Variants in LEUTX observed in about 807,000 individuals in gnomAD.
LEUTX encodes paired-like homeodomain transcription factor LEUTX.
LEUTX carries 5 observed loss-of-function variants against 4.5 expected under a neutral mutation model. The ratio of observed to expected loss-of-function variants is 1.11; its 90% CI spans 0.58 to 2.34. The LOEUF is 2.34. LEUTX is among the 30% of genes most tolerant of loss of function. The pLI is 0.01. For missense variants in LEUTX, 233 were observed against 239.4 expected (o/e 0.97, Z 0.18); for synonymous variants, 89 against 85.1 (o/e 1.05, Z -0.25).
In LEUTX at chr19:39,784,583, G is replaced by A. The variant is rs1461269777; in HGVS notation, c.64G>A (p.Ala22Thr). ...RTRFLSKQLT[A>T]LRELLEKTMH... ...AAGATTTCTCTCCAAACAACTCACAGCATTGAGAGAATTGCTTGAAAAGAC... is the reference window on the plus strand; with the variant it reads ...AAGATTTCTCTCCAAACAACTCACAACATTGAGAGAATTGCTTGAAAAGAC... Residue 22 changes from alanine (A) to threonine (T), a missense_variant, in exon 2 of 3, where the codon GCA becomes ACA. Coordinates refer to ENST00000638280, the MANE Select transcript of LEUTX (RefSeq NM_001382345.1). 7.3e-6 allele frequency: 11 copies of A among 1,516,438 alleles called. No individual in the cohort carries two copies. Among genetic ancestry groups the A allele is most frequent in the Non-Finnish European group, 9.0e-6 (10 of 1,115,152 alleles). 93.9% of individuals were successfully genotyped at this position (1,516,438 alleles called of 1,614,324 possible). A position where few individuals can be genotyped will look rare whatever the true frequency, so the allele number is the denominator to read the frequency against.
chr19:39,778,987 TGA>T (rs1967842822), intron 1 of LEUTX, 60 bp downstream of exon 1: 1 of 152,316 alleles, frequency 6.6e-6, no homozygotes, highest in South Asian at 2.1e-4. Context: ...ACAAATCAAG[TGA>T]GAGGTGTGGG....
chr19:39,778,420 A>AC (rs111537235), upstream of LEUTX, among the ~76,000 whole-genome samples: 2,682 of 151,494 alleles, frequency 0.018, 81 homozygotes, highest in African/African-American at 0.059. Flanking sequence ...GAAGGGCTTA[A>AC]CTCCCATCAT....
Position 39,786,269 on chromosome 19 carries a change from T to G in LEUTX, c.*134T>G. 3 of 667,348 alleles carry G rather than the reference T, an allele frequency of 4.5e-6. No homozygotes were observed. The highest frequency in any genetic ancestry group is 7.1e-6 in the Non-Finnish European group (3 of 422,492). 41.3% of individuals were successfully genotyped at this position (667,348 alleles called of 1,614,324 possible). On this transcript the variant is annotated 3_prime_UTR_variant, in exon 3 of 3. Coordinates refer to ENST00000638280, the MANE Select transcript of LEUTX (RefSeq NM_001382345.1). The stretch of plus-strand genomic sequence containing the variant: ...TTATCTTTTTCTGTAGAAAAAACAA[T>G]AAAGGAACTCCCCTACCTTTCATCA...
At chr19:39,779,225 T>G (rs980276781) in intron 1 of LEUTX, among the ~76,000 whole-genome samples, 1 of 152,154 alleles carries the variant, frequency 6.6e-6, no homozygotes, top group African/African-American at 2.4e-5. Context: ...TAGCTGGGAC[T>G]TATAAGTGTG....
At chr19:39,785,559 C>G in intron 2 of LEUTX, 139 bp from the exon 3 acceptor site, 1 of 661,114 alleles carries the variant, frequency 1.5e-6, no homozygotes, top group Non-Finnish European at 2.6e-6. Flanking sequence ...CCCAGGACAG[C>G]AGAGAGTAGA....
At chr19:39,780,711 A>G (rs1568514508) in intron 1 of LEUTX, among the ~76,000 whole-genome samples, 1 of 151,994 alleles carries the variant, frequency 6.6e-6, no homozygotes, top group Non-Finnish European at 1.5e-5. Flanking sequence ...ATTATTGCCT[A>G]AGGGTTTCTT....
intron 1 of LEUTX, among the ~76,000 whole-genome samples, chr19:39,781,433 T>C (rs1305357732): frequency 6.6e-6 from 1 of 152,206 alleles, no homozygotes; most frequent in Non-Finnish European, 1.5e-5. Flanking sequence ...CTAATACAGT[T>C]TGCATATTTG....
upstream of LEUTX, among the ~76,000 whole-genome samples, chr19:39,778,698 T>C (rs1347972639): frequency 2.0e-5 from 3 of 151,386 alleles, no homozygotes; most frequent in East Asian, 5.8e-4. Flanking sequence ...CATAGTTTTA[T>C]TCCCAGTGCC....
At chr19:39,784,716 C>T in intron 2 of LEUTX, 38 bp downstream of exon 2, 1 of 1,423,822 alleles carries the variant, frequency 7.0e-7, no homozygotes, top group Non-Finnish European at 9.7e-7. Context: ...GCACGCCTAA[C>T]CCAGAGCTTC....
chr19:39,781,253 G>C (rs762232696), intron 1 of LEUTX, among the ~76,000 whole-genome samples: 2 of 152,140 alleles, frequency 1.3e-5, no homozygotes, highest in Non-Finnish European at 2.9e-5. Flanking sequence ...TTCACTGTGC[G>C]ATAATTGGGC....
chr19:39,778,431 C>A (rs1378908964), upstream of LEUTX, among the ~76,000 whole-genome samples: 1 of 152,068 alleles, frequency 6.6e-6, no homozygotes, highest in Non-Finnish European at 1.5e-5. Context: ...CTCCCATCAT[C>A]CCAAACTCCT....
At chr19:39,777,750 G>T (rs185145353), upstream of LEUTX, among the ~76,000 whole-genome samples, 2 of 152,158 alleles carry the variant, frequency 1.3e-5, no homozygotes, top group Admixed American at 6.5e-5. Context: ...GGAGTTGAAG[G>T]CTGCAGTGAG....
chr19:39,781,818 T>C (rs949988973), intron 1 of LEUTX, among the ~76,000 whole-genome samples: 15 of 152,192 alleles, frequency 9.9e-5, no homozygotes, highest in African/African-American at 2.9e-4. Flanking sequence ...TCTTTATAAA[T>C]GCAAAATGGA....
rs542820418 is a variant in LEUTX at position 39,784,467 on chromosome 19, A to C, written c.8-60A>C. The C allele has an allele frequency of 3.3e-4, 229 of 692,460 alleles. 2 individuals carry two copies. In the Middle Eastern group the frequency reaches 3.7e-3, roughly 11 times the overall value. The allele number at this position is 692,460 out of a possible 1,614,324, so 42.9% of individuals were successfully genotyped here. On this transcript the variant is annotated intron_variant, in intron 1 of 2. Transcript: ENST00000638280. ...CCCACAGGTGTTCCCTTGATGTAGT[A>C]CTCTCCTCATTTCCTTCCGAATTTT... is the stretch of plus-strand genomic sequence containing the variant.
In LEUTX at chr19:39,784,566, T is replaced by G; in HGVS notation, c.47T>G (p.Leu16Arg). The G allele has an allele frequency of 7.1e-7, 1 of 1,416,762 alleles. No homozygotes were observed. The highest frequency in any genetic ancestry group is 1.2e-5 in the South Asian group (1 of 81,314). The allele number at this position is 1,416,762 out of a possible 1,614,324, so 87.8% of individuals were successfully genotyped here. Residue 16 changes from leucine to arginine, a missense_variant, in exon 2 of 3, where the codon CTC becomes CGC. By Grantham distance (102) the Leu-to-Arg change is moderately radical. Coordinates refer to ENST00000638280, the MANE Select transcript of LEUTX (RefSeq NM_001382345.1). Reference sequence around the variant, plus strand: ...TATCGTCGGCCACGCACAAGATTTCTCTCCAAACAACTCACAGCATTGAGA... The same window carrying G: ...TATCGTCGGCCACGCACAAGATTTCGCTCCAAACAACTCACAGCATTGAGA... ...RRYRRPRTRF[L>R]SKQLTALREL...
chr19:39,778,273 G>A (rs1368480576), upstream of LEUTX, among the ~76,000 whole-genome samples: 2 of 152,168 alleles, frequency 1.3e-5, no homozygotes, highest in African/African-American at 4.8e-5. Context: ...CTGAAAACTC[G>A]TTATGGGCTC....
chr19:39,778,816 AT>A (rs1249880822), upstream of LEUTX: 2 of 152,222 alleles, frequency 1.3e-5, no homozygotes, highest in African/African-American at 4.8e-5. Context: ...TTACATTAAA[AT>A]TCTGCTTAAA....
chr19:39,783,442 C>T (rs570205239), intron 1 of LEUTX, among the ~76,000 whole-genome samples: 43 of 150,576 alleles, frequency 2.9e-4, no homozygotes, highest in Non-Finnish European at 5.0e-4. Context: ...TTTACAATTG[C>T]GAATTGTACT....
At chr19:39,784,496 A>C in intron 1 of LEUTX, 31 bp from the exon 2 acceptor site, 1 of 769,696 alleles carries the variant, frequency 1.3e-6, no homozygotes, top group Non-Finnish European at 2.3e-6. Context: ...GAATTTTTTT[A>C]ATGAAAGCCT....
Sources: allele counts gnomAD v4.1 joint callset (sites outside exome capture counted in the v4.1 genomes callset), GRCh38; gene constraint gnomAD v4.1.1; transcripts MANE v1.5; gene names NCBI Gene and HGNC (gene_info 2026-07-23, HGNC 2026-07-21).